The following LRRTM4 variants were observed in gnomAD, a reference collection of about 807,000 sequenced individuals.
The protein encoded by LRRTM4 is leucine rich repeat transmembrane neuronal 4, also known as leucine-rich repeat transmembrane neuronal protein 4.
A neutral mutation model predicts 47.6 loss-of-function variants in LRRTM4; 25 were observed. The observed-to-expected ratio is 0.53, with a 90% CI of 0.38 to 0.73. The LOEUF (loss-of-function observed/expected upper bound fraction) is 0.73, where lower values mean the gene tolerates loss of function less well. Among genes scored for constraint, LRRTM4 ranks in the 30% least tolerant of loss-of-function variants. The pLI is 0.00. For synonymous variants in LRRTM4, 311 were observed against 269.5 expected, an observed-to-expected ratio of 1.15 and a Z score of -1.51; for missense variants, 638 against 713.4, an observed-to-expected ratio of 0.89 and a Z score of 1.20.
chr2:77,217,439 A>AT (rs1674483943), intron 3 of LRRTM4, among the ~76,000 whole-genome samples: 6 of 96,826 alleles, frequency 6.2e-5, no homozygotes, highest in African/African-American at 1.3e-4. Context: ...TCTCCAAATG[A>AT]AATATATATA....
intron 3 of LRRTM4, among the ~76,000 whole-genome samples, chr2:76,965,933 G>T (rs1452569142): frequency 6.6e-6 from 1 of 151,326 alleles, no homozygotes; most frequent in South Asian, 2.1e-4. Context: ...CATAATAACT[G>T]TAGGGGTTGA....
intron 3 of LRRTM4, among the ~76,000 whole-genome samples, chr2:77,095,323 C>G (rs1413304019): frequency 6.6e-6 from 1 of 151,994 alleles, no homozygotes; most frequent in East Asian, 1.9e-4. Flanking sequence ...ATTAGTACAG[C>G]CATTGTGGAA....
chr2:76,929,610 A>G (rs1056479341), intron 3 of LRRTM4, among the ~76,000 whole-genome samples: 7 of 152,178 alleles, frequency 4.6e-5, no homozygotes, highest in African/African-American at 9.7e-5. Context: ...GACTTTAGAA[A>G]AAGTGAGAGA....
chr2:76,783,142 C>T (rs1171751142), intron 3 of LRRTM4, among the ~76,000 whole-genome samples: 2 of 152,054 alleles, frequency 1.3e-5, no homozygotes, highest in Non-Finnish European at 2.9e-5. Context: ...GGGAAGAATT[C>T]ATATTCCACC....
chr2:77,387,324 TG>T (rs2103806203), intron 3 of LRRTM4, among the ~76,000 whole-genome samples: 1 of 152,260 alleles, frequency 6.6e-6, no homozygotes, highest in Non-Finnish European at 1.5e-5. Context: ...TCTAAGTTTT[TG>T]TTTGCTTGTT....
At chr2:77,138,636 A>C (rs1488940896) in intron 3 of LRRTM4, among the ~76,000 whole-genome samples, 1 of 152,214 alleles carries the variant, frequency 6.6e-6, no homozygotes, top group Admixed American at 6.5e-5. Context: ...GCAGAACTGA[A>C]GGAGATAGAG....
At chr2:77,399,824 G>A (rs1476943267) in intron 3 of LRRTM4, among the ~76,000 whole-genome samples, 1 of 151,834 alleles carries the variant, frequency 6.6e-6, no homozygotes, top group Admixed American at 6.6e-5. Flanking sequence ...AGGGAAATTG[G>A]AAAAGATGTG....
At chr2:77,484,692 C>A (rs2104026967) in intron 3 of LRRTM4, among the ~76,000 whole-genome samples, 1 of 152,130 alleles carries the variant, frequency 6.6e-6, no homozygotes, top group Non-Finnish European at 1.5e-5. Flanking sequence ...TTGGTGCTAG[C>A]AATGTAAATT....
intron 3 of LRRTM4, among the ~76,000 whole-genome samples, chr2:76,903,236 AAAAC>A (rs1246425223): frequency 6.6e-6 from 1 of 151,738 alleles, no homozygotes; most frequent in Non-Finnish European, 1.5e-5. Flanking sequence ...TAAAAAAAGA[AAAAC>A]AAGTACAAAA....
intron 3 of LRRTM4, among the ~76,000 whole-genome samples, chr2:76,968,732 C>G (rs192220323): frequency 1.1e-3 from 174 of 151,712 alleles, no homozygotes; most frequent in African/African-American, 3.7e-3. Flanking sequence ...GGTAAGGATC[C>G]TTACTCTCCG....
intron 3 of LRRTM4, among the ~76,000 whole-genome samples, chr2:76,920,177 T>C (rs1389764084): frequency 6.6e-6 from 1 of 152,148 alleles, no homozygotes; most frequent in Non-Finnish European, 1.5e-5. Flanking sequence ...TATGACACTG[T>C]AATCTTAATG....
At chr2:76,772,275 T>G (rs1282861467) in intron 3 of LRRTM4, among the ~76,000 whole-genome samples, 1 of 152,140 alleles carries the variant, frequency 6.6e-6, no homozygotes, top group African/African-American at 2.4e-5. Flanking sequence ...TCAGCCACCA[T>G]TTCGATCTTG....
intron 3 of LRRTM4, among the ~76,000 whole-genome samples, chr2:77,018,523 C>T (rs1451148437): frequency 2.0e-5 from 3 of 152,112 alleles, no homozygotes; most frequent in Non-Finnish European, 4.4e-5. Context: ...CAGACTTCTA[C>T]AGCATTCCTC....
chr2:76,899,185 A>C (rs994599336), intron 3 of LRRTM4, among the ~76,000 whole-genome samples: 2 of 151,934 alleles, frequency 1.3e-5, no homozygotes, highest in African/African-American at 4.8e-5. Context: ...ATAAGAAAAA[A>C]CTTTAACAAT....
intron 3 of LRRTM4, among the ~76,000 whole-genome samples, chr2:77,203,114 T>C (rs1240249974): frequency 6.6e-6 from 1 of 151,760 alleles, no homozygotes; most frequent in African/African-American, 2.4e-5. Flanking sequence ...TACACACACA[T>C]ATATACATAT....
intron 3 of LRRTM4, among the ~76,000 whole-genome samples, chr2:76,993,962 T>C (rs902727040): frequency 6.6e-6 from 1 of 151,776 alleles, no homozygotes; most frequent in Non-Finnish European, 1.5e-5. Context: ...TTCAGCAACA[T>C]AGATGCAGCT....
chr2:77,041,017 A>T (rs1679011525), intron 3 of LRRTM4, among the ~76,000 whole-genome samples: 1 of 151,242 alleles, frequency 6.6e-6, no homozygotes, highest in Non-Finnish European at 1.5e-5. Flanking sequence ...GAACAACAGA[A>T]CTTCTTTCTC....
At chr2:76,929,628 T>A (rs995172012) in intron 3 of LRRTM4, among the ~76,000 whole-genome samples, 1 of 152,144 alleles carries the variant, frequency 6.6e-6, no homozygotes, top group Non-Finnish European at 1.5e-5. Flanking sequence ...AGAGTAGACA[T>A]GTTTCTTTAA....
intron 3 of LRRTM4, among the ~76,000 whole-genome samples, chr2:77,022,491 AG>A (rs1678308774): frequency 1.3e-5 from 2 of 152,326 alleles, no homozygotes; most frequent in South Asian, 4.1e-4. Flanking sequence ...ATCTGAGACA[AG>A]GCAAGTCCCT....
Sources: allele counts gnomAD v4.1 joint callset (sites outside exome capture counted in the v4.1 genomes callset), GRCh38; gene constraint gnomAD v4.1.1; transcripts MANE v1.5; gene names NCBI Gene and HGNC (gene_info 2026-07-23, HGNC 2026-07-21).